Variants in ESRRG observed in about 807,000 individuals in gnomAD.
The protein encoded by ESRRG is estrogen related receptor gamma.
A neutral mutation model predicts 44.0 loss-of-function variants in ESRRG; 13 were observed. That is an observed-to-expected ratio of 0.30 (90% CI 0.19 to 0.47). The LOEUF is 0.47. ESRRG is among the 20% of genes least tolerant of loss of function. The pLI is 1.00. For synonymous variants in ESRRG, 215 were observed against 214.6 expected (o/e 1.00, Z -0.02); for missense variants, 395 against 580.6 (o/e 0.68, Z 3.29).
chr1:216,724,265 T>G (rs926888078), upstream of ESRRG, among the ~76,000 whole-genome samples: 4 of 151,988 alleles, frequency 2.6e-5, no homozygotes, highest in African/African-American at 9.7e-5. Context: ...GCAGGACAAA[T>G]TGGCTTCTTC....
At chr1:216,968,360 T>C (rs538889054) in intron 1 of ESRRG, among the ~76,000 whole-genome samples, 38 of 152,342 alleles carry the variant, frequency 2.5e-4, no homozygotes, top group African/African-American at 8.4e-4. Context: ...TTTATGGTTT[T>C]ACATTTTACA....
rs141762967 is a variant in ESRRG at position 216,799,532 on chromosome 1, C to A, written c.-13-122041G>T. On this transcript the variant is annotated intron_variant, in intron 2 of 7. Coordinates refer to the ESRRG transcript ENST00000359162. ...ATTTACCTGCTGAGGTAAGGTTAAT[C>A]CATACAAAAGAAGACTGAATATAAG... is the stretch of plus-strand genomic sequence containing the variant. Among the ~76,000 whole-genome samples, 25 of 152,004 alleles carry A rather than the reference C, an allele frequency of 1.6e-4. 1 individual carries two copies. The highest frequency in any genetic ancestry group is 5.5e-4 in the African/African-American group (23 of 41,486).
chr1:216,768,905 TC>T (rs959971973), intron 2 of ESRRG, among the ~76,000 whole-genome samples: 5 of 151,852 alleles, frequency 3.3e-5, no homozygotes, highest in Admixed American at 6.6e-5. Context: ...AGGAATTAAA[TC>T]CCCCCCATAT....
At chr1:216,923,058 C>G (rs937121825) in intron 2 of ESRRG, among the ~76,000 whole-genome samples, 2 of 152,202 alleles carry the variant, frequency 1.3e-5, no homozygotes, top group Non-Finnish European at 2.9e-5. Flanking sequence ...TCTTTAATCA[C>G]TGTTAGTAGG....
intron 5 of ESRRG, among the ~76,000 whole-genome samples, chr1:216,530,809 C>T (rs894949157): frequency 6.6e-6 from 1 of 152,088 alleles, no homozygotes; most frequent in Non-Finnish European, 1.5e-5. Context: ...CCTAATTGGT[C>T]CCTTGATATA....
At chr1:216,932,390 G>A (rs75017901) in intron 2 of ESRRG, among the ~76,000 whole-genome samples, 41 of 152,248 alleles carry the variant, frequency 2.7e-4, no homozygotes, top group African/African-American at 9.1e-4. Context: ...CAATAAAATT[G>A]TAAAAGATCT....
chr1:216,757,929 G>A (rs2092552314), intron 2 of ESRRG, among the ~76,000 whole-genome samples: 1 of 151,950 alleles, frequency 6.6e-6, no homozygotes, highest in Non-Finnish European at 1.5e-5. Flanking sequence ...TTAATGCTTA[G>A]TGCCAGATTT....
intron 2 of ESRRG, among the ~76,000 whole-genome samples, chr1:216,768,283 G>A (rs2093186955): frequency 6.6e-6 from 1 of 152,118 alleles, no homozygotes; most frequent in Non-Finnish European, 1.5e-5. Context: ...AAGGGTTGAT[G>A]TGAAATTTCA....
At chr1:216,662,671 A>C (rs755608567) in intron 2 of ESRRG, among the ~76,000 whole-genome samples, 23 of 152,092 alleles carry the variant, frequency 1.5e-4, no homozygotes, top group Non-Finnish European at 3.1e-4. Context: ...ATAGGATGAA[A>C]ATGCCTCCTC....
chr1:217,097,185 T>C (rs540956813), intron 1 of ESRRG, among the ~76,000 whole-genome samples: 1 of 152,256 alleles, frequency 6.6e-6, no homozygotes, highest in East Asian at 1.9e-4. Context: ...GACAGTTCTT[T>C]ACACTTTCAC....
chr1:217,051,209 G>GGT (rs1553259276), intron 1 of ESRRG, among the ~76,000 whole-genome samples: 2 of 126,846 alleles, frequency 1.6e-5, no homozygotes, highest in African/African-American at 5.7e-5. Context: ...GGGGGCGGGG[G>GGT]GGGGGGGTGC....
chr1:216,836,053 T>G (rs186083677), intron 2 of ESRRG, among the ~76,000 whole-genome samples: 422 of 148,550 alleles, frequency 2.8e-3, no homozygotes, highest in African/African-American at 0.01. Context: ...CTCTAGGTTC[T>G]GCTTGTGCAG....
At chr1:216,833,160 T>A (rs535407971) in intron 2 of ESRRG, among the ~76,000 whole-genome samples, 29 of 152,202 alleles carry the variant, frequency 1.9e-4, no homozygotes, top group Admixed American at 1.2e-3. Context: ...CTTCACAGTG[T>A]AAGTGCTCAA....
At chr1:216,577,726 T>C (rs1294276226) in intron 3 of ESRRG, among the ~76,000 whole-genome samples, 2 of 151,954 alleles carry the variant, frequency 1.3e-5, no homozygotes, top group African/African-American at 2.4e-5. Context: ...TGGAATATAG[T>C]AGAGTCTAAT....
At chr1:217,129,309 T>C (rs568808924) in intron 1 of ESRRG, among the ~76,000 whole-genome samples, 33 of 152,298 alleles carry the variant, frequency 2.2e-4, no homozygotes, top group African/African-American at 7.5e-4. Flanking sequence ...CACCCACTAG[T>C]ATGGCTATCA....
At chr1:216,751,955 T>C (rs964475282) in intron 2 of ESRRG, among the ~76,000 whole-genome samples, 3 of 152,158 alleles carry the variant, frequency 2.0e-5, no homozygotes, top group African/African-American at 4.8e-5. Flanking sequence ...AGAGTCATTA[T>C]GTAGAATGGG....
At chr1:216,954,262 TA>T (rs1249175430) in intron 1 of ESRRG, among the ~76,000 whole-genome samples, 5 of 151,914 alleles carry the variant, frequency 3.3e-5, no homozygotes, top group African/African-American at 9.7e-5. Context: ...CTCAACATAT[TA>T]AAAAAAATAA....
At chr1:216,547,582 T>C (rs1267002350) in intron 5 of ESRRG, among the ~76,000 whole-genome samples, 1 of 152,064 alleles carries the variant, frequency 6.6e-6, no homozygotes, top group Admixed American at 6.6e-5. Flanking sequence ...TGCAAGCGTG[T>C]GTGTTAATAC....
At chr1:216,872,884 G>C (rs1435957753) in intron 2 of ESRRG, among the ~76,000 whole-genome samples, 2 of 152,120 alleles carry the variant, frequency 1.3e-5, no homozygotes, top group African/African-American at 2.4e-5. Context: ...TAGTATCTGG[G>C]ACATTTTTAA....
Sources: allele counts gnomAD v4.1 joint callset (sites outside exome capture counted in the v4.1 genomes callset), GRCh38; gene constraint gnomAD v4.1.1; transcripts MANE v1.5; gene names NCBI Gene and HGNC (gene_info 2026-07-23, HGNC 2026-07-21).